The following ZBBX variants were observed in gnomAD, a reference collection of about 807,000 sequenced individuals.
ZBBX encodes zinc finger B-box domain-containing protein 1.
A neutral mutation model predicts 108.5 loss-of-function variants in ZBBX; 101 were observed. The observed-to-expected ratio is 0.93, with a 90% confidence interval of 0.79 to 1.10. The LOEUF is 1.10. Among genes scored for constraint, ZBBX ranks in the 50% least tolerant of loss-of-function variants. The pLI is 0.00. For missense variants in ZBBX, 1,009 were observed against 941.4 expected (o/e 1.07, Z -0.94); for synonymous variants, 356 against 323.4 (o/e 1.10, Z -1.08).
chr3:167,321,927 G>C (rs780932161), intron 12 of ZBBX, among the ~76,000 whole-genome samples, 190 bp downstream of exon 12: 2 of 151,782 alleles, frequency 1.3e-5, no homozygotes, highest in African/African-American at 4.8e-5. Flanking sequence ...AATTAATGAT[G>C]CATCATATAC....
At chr3:167,185,225 T>A in the ZBBX span, among the ~76,000 whole-genome samples, 1 of 152,164 alleles carries the variant, frequency 6.6e-6, no homozygotes, top group African/African-American at 2.4e-5. Flanking sequence ...TGCAACAGCA[T>A]TTTAAAATCT....
intron 20 of ZBBX, among the ~76,000 whole-genome samples, chr3:167,244,581 C>T (rs999040136): frequency 4.6e-5 from 7 of 152,152 alleles, no homozygotes; most frequent in African/African-American, 1.4e-4. Flanking sequence ...GGTGATACCA[C>T]TTGATTTTAG....
intron 20 of ZBBX, among the ~76,000 whole-genome samples, chr3:167,253,212 G>T (rs78381971): frequency 6.6e-6 from 1 of 152,094 alleles, no homozygotes; most frequent in Non-Finnish European, 1.5e-5. Flanking sequence ...ATTTATTGAG[G>T]TGTGGCTGGG....
At chr3:167,300,703 G>A (rs545616890) in intron 17 of ZBBX, among the ~76,000 whole-genome samples, 11 of 150,616 alleles carry the variant, frequency 7.3e-5, no homozygotes, top group South Asian at 6.4e-4. Context: ...TCCGCCTCCC[G>A]GGTTCAATCG....
At chr3:167,199,321 T>C in the ZBBX span, among the ~76,000 whole-genome samples, 3 of 152,200 alleles carry the variant, frequency 2.0e-5, no homozygotes, top group Non-Finnish European at 4.4e-5. Flanking sequence ...CATCTGGCCC[T>C]ATTTTGTCAA....
chr3:167,215,588 C>CT, the ZBBX span, among the ~76,000 whole-genome samples: 3 of 152,112 alleles, frequency 2.0e-5, no homozygotes, highest in Non-Finnish European at 4.4e-5. Flanking sequence ...GAAAGTATTC[C>CT]AATAAATTGA....
At chr3:167,268,202 T>A (rs1725902042) in intron 20 of ZBBX, among the ~76,000 whole-genome samples, 1 of 151,980 alleles carries the variant, frequency 6.6e-6, no homozygotes, top group South Asian at 2.1e-4. Context: ...AGTCTGGAAT[T>A]TAAAGAAGGA....
At chr3:167,191,453 A>T in the ZBBX span, among the ~76,000 whole-genome samples, 2 of 152,150 alleles carry the variant, frequency 1.3e-5, no homozygotes, top group Non-Finnish European at 2.9e-5. Flanking sequence ...TGTGGGAGGA[A>T]CCCAGTGGGA....
At chr3:167,286,604 T>C (rs1471101493) in intron 19 of ZBBX, among the ~76,000 whole-genome samples, 1 of 152,022 alleles carries the variant, frequency 6.6e-6, no homozygotes, top group African/African-American at 2.4e-5. Flanking sequence ...TCTTGAATAG[T>C]GAAGGTAAAA....
intron 20 of ZBBX, 57 bp downstream of exon 20, chr3:167,282,181 C>A: frequency 1.3e-6 from 2 of 1,509,718 alleles, no homozygotes; most frequent in Non-Finnish European, 1.8e-6. Context: ...TATGAAGAAT[C>A]CGGCTGAGGG....
the ZBBX span, among the ~76,000 whole-genome samples, chr3:167,179,475 T>A: frequency 1.3e-5 from 2 of 152,246 alleles, no homozygotes; most frequent in Non-Finnish European, 2.9e-5. Flanking sequence ...GTATGAGCCC[T>A]AATGTGAGTG....
rs145587416 is a variant in ZBBX at position 167,248,221 on chromosome 3, G to A, written c.2255-5578C>T. On this transcript the variant is annotated intron_variant, in intron 20 of 21. Coordinates refer to ENST00000675490, the MANE Select transcript of ZBBX (RefSeq NM_001199201.2). ...GGCAAAGGCCAAGCCCAACAGCCAC[G>A]AGTGGGTATGGAACAAAGCTGCGAC... is the stretch of plus-strand genomic sequence containing the variant. Among the ~76,000 whole-genome samples the A allele has an allele frequency of 2.4e-3, 367 of 152,200 alleles. 2 individuals are homozygous for A. Among genetic ancestry groups the A allele is most frequent in the African/African-American group, 7.3e-3 (305 of 41,532 alleles).
At chr3:167,196,718 G>C in the ZBBX span, among the ~76,000 whole-genome samples, 4 of 151,970 alleles carry the variant, frequency 2.6e-5, no homozygotes, top group African/African-American at 9.7e-5. Context: ...AAGCTTCTAG[G>C]GTATTAGGAT....
chr3:167,344,267 A>C (rs1010750315), intron 9 of ZBBX, among the ~76,000 whole-genome samples: 3 of 151,826 alleles, frequency 2.0e-5, no homozygotes, highest in Admixed American at 6.6e-5. Context: ...AGGTGACAAA[A>C]ATGTTCTAAA....
At chr3:167,327,068 A>G (rs916445204) in intron 11 of ZBBX, among the ~76,000 whole-genome samples, 3 of 151,752 alleles carry the variant, frequency 2.0e-5, no homozygotes, top group Non-Finnish European at 2.9e-5. Flanking sequence ...TCCTCAAGAC[A>G]TACTGGGAAA....
chr3:167,353,711 T>G (rs1353993139), intron 8 of ZBBX, among the ~76,000 whole-genome samples: 1 of 152,006 alleles, frequency 6.6e-6, no homozygotes, highest in Admixed American at 6.6e-5. Flanking sequence ...TTATCTCATT[T>G]AATCCTCACA....
intron 8 of ZBBX, 116 bp from the exon 9 acceptor site, chr3:167,350,631 T>C: frequency 1.6e-6 from 1 of 635,772 alleles, no homozygotes; most frequent in African/African-American, 1.9e-5. Context: ...TAAATACCTA[T>C]ATCATCAGAA....
At chr3:167,264,852 C>G (rs1384644103) in intron 20 of ZBBX, among the ~76,000 whole-genome samples, 1 of 152,174 alleles carries the variant, frequency 6.6e-6, no homozygotes, top group Non-Finnish European at 1.5e-5. Context: ...GTGGCCTTGA[C>G]CACCCCTAGT....
chr3:167,275,664 T>C (rs961184368), intron 20 of ZBBX, among the ~76,000 whole-genome samples: 3 of 152,142 alleles, frequency 2.0e-5, no homozygotes, highest in Admixed American at 6.5e-5. Context: ...AGCACAGCAG[T>C]CTGAGATCAA....
Sources: gnomAD v4.1 joint callset for allele counts (sites outside exome capture counted in the v4.1 genomes callset) on GRCh38, gnomAD v4.1.1 for gene constraint, MANE v1.5 for transcripts, NCBI Gene and HGNC (gene_info 2026-07-23, HGNC 2026-07-21) for gene names.